Variants in SPAG16 observed in about 807,000 individuals in gnomAD.
SPAG16 encodes sperm associated antigen 16, also known as sperm-associated antigen 16 protein.
In SPAG16, 86 loss-of-function variants were observed where a neutral mutation model predicts 80.4. The observed-to-expected ratio is 1.07, with a 90% confidence interval of 0.90 to 1.28. The LOEUF is 1.28. SPAG16 is among the 50% of genes most tolerant of loss of function. SPAG16 has a pLI of 0.00. For missense variants in SPAG16, 870 were observed against 765.3 expected (o/e 1.14, Z -1.61); for synonymous variants, 294 against 265.9 (o/e 1.11, Z -1.03).
chr2:213,859,766 T>C (rs1017144274), intron 10 of SPAG16, among the ~76,000 whole-genome samples: 1 of 152,150 alleles, frequency 6.6e-6, no homozygotes. Context: ...TGGCATAAAA[T>C]AATAATACTG....
At chr2:213,732,322 T>A (rs1468044093) in intron 10 of SPAG16, among the ~76,000 whole-genome samples, 1 of 120,806 alleles carries the variant, frequency 8.3e-6, no homozygotes, top group Non-Finnish European at 1.8e-5. Flanking sequence ...GAACTCCCAT[T>A]CACGATTGCC....
chr2:213,711,255 C>T (rs2065972982), intron 10 of SPAG16, among the ~76,000 whole-genome samples: 1 of 151,842 alleles, frequency 6.6e-6, no homozygotes, highest in Admixed American at 6.6e-5. Context: ...ATTGTTATGG[C>T]AAAAATTTTT....
chr2:214,321,146 T>C (rs1226701523), intron 15 of SPAG16, among the ~76,000 whole-genome samples: 1 of 152,206 alleles, frequency 6.6e-6, no homozygotes, highest in Non-Finnish European at 1.5e-5. Flanking sequence ...AGATAATGGC[T>C]ATCAGAGAAA....
intron 15 of SPAG16, among the ~76,000 whole-genome samples, chr2:214,295,766 G>A (rs1047932839): frequency 1.3e-5 from 2 of 152,072 alleles, no homozygotes; most frequent in African/African-American, 2.4e-5. Context: ...ATTCCAGCCT[G>A]GGCCACAGAA....
chr2:214,317,108 T>C (rs1695750099), intron 15 of SPAG16, among the ~76,000 whole-genome samples: 1 of 152,204 alleles, frequency 6.6e-6, no homozygotes, highest in Non-Finnish European at 1.5e-5. Context: ...CAGGTATGTT[T>C]GGGCTCTAGA....
intron 9 of SPAG16, among the ~76,000 whole-genome samples, chr2:213,383,499 T>C (rs1209050923): frequency 1.3e-5 from 2 of 152,190 alleles, no homozygotes; most frequent in Non-Finnish European, 1.5e-5. Context: ...ATTAAGATTA[T>C]ATGAATCCTC....
At chr2:213,680,657 A>C (rs544489420) in intron 10 of SPAG16, among the ~76,000 whole-genome samples, 6 of 152,260 alleles carry the variant, frequency 3.9e-5, no homozygotes, top group African/African-American at 1.4e-4. Context: ...AATTGTCAAC[A>C]AAAAGAGTCA....
intron 12 of SPAG16, among the ~76,000 whole-genome samples, chr2:214,002,355 CA>C (rs2046831677): frequency 6.6e-6 from 1 of 151,944 alleles, no homozygotes; most frequent in African/African-American, 2.4e-5. Flanking sequence ...AAAAACAAAA[CA>C]ATAAATAAGG....
At chr2:213,756,790 G>T (rs1443717241) in intron 10 of SPAG16, among the ~76,000 whole-genome samples, 1 of 151,820 alleles carries the variant, frequency 6.6e-6, no homozygotes, top group East Asian at 1.9e-4. Flanking sequence ...TATGAAGAAA[G>T]TAAAGCTTTG....
chr2:213,858,501 A>G (rs937523181), intron 10 of SPAG16, among the ~76,000 whole-genome samples: 3 of 152,234 alleles, frequency 2.0e-5, no homozygotes, highest in African/African-American at 7.2e-5. Context: ...TACTTAATAT[A>G]CTATAGTATA....
intron 9 of SPAG16, among the ~76,000 whole-genome samples, chr2:213,427,142 T>C (rs2069983124): frequency 6.6e-6 from 1 of 152,118 alleles, no homozygotes; most frequent in Non-Finnish European, 1.5e-5. Flanking sequence ...CTCACAGCAT[T>C]GTCTGGCACC....
At chr2:214,381,957 A>G (rs1318004835) in intron 15 of SPAG16, among the ~76,000 whole-genome samples, 1 of 152,228 alleles carries the variant, frequency 6.6e-6, no homozygotes, top group African/African-American at 2.4e-5. Context: ...TGCAATATTA[A>G]TTCAGAACTG....
At chr2:214,012,288 A>ATATATATATAT (rs1553694500) in intron 12 of SPAG16, among the ~76,000 whole-genome samples, 1 of 46,806 alleles carries the variant, frequency 2.1e-5, no homozygotes, top group Non-Finnish European at 3.3e-5. Flanking sequence ...ATATATATAT[A>ATATATATATAT]TTTTTTTTTT....
At chr2:214,256,800 CCA>C (rs748672417) in intron 15 of SPAG16, among the ~76,000 whole-genome samples, 10 of 150,796 alleles carry the variant, frequency 6.6e-5, no homozygotes, top group Non-Finnish European at 1.5e-4. Flanking sequence ...TATGCCAGTA[CCA>C]CACTTTCCTT....
intron 12 of SPAG16, among the ~76,000 whole-genome samples, chr2:213,964,253 G>A (rs1318380851): frequency 6.6e-6 from 1 of 151,950 alleles, no homozygotes; most frequent in East Asian, 1.9e-4. Flanking sequence ...TTCTATGTCA[G>A]GTAAGAGATG....
intron 10 of SPAG16, among the ~76,000 whole-genome samples, chr2:213,543,107 T>A (rs1269757922): frequency 1.3e-5 from 2 of 152,004 alleles, no homozygotes. Context: ...AATTTTATGG[T>A]CAATAAACAC....
intron 10 of SPAG16, among the ~76,000 whole-genome samples, chr2:213,643,219 G>A (rs1433660894): frequency 6.7e-6 from 1 of 149,754 alleles, no homozygotes; most frequent in Non-Finnish European, 1.5e-5. Flanking sequence ...GCTATTCTAG[G>A]GTAAAACTTG....
At chr2:213,892,125 G>A (rs2076806809) in intron 11 of SPAG16, among the ~76,000 whole-genome samples, 3 of 152,028 alleles carry the variant, frequency 2.0e-5, no homozygotes, top group African/African-American at 7.2e-5. Context: ...CACACGAAAG[G>A]AGGTTCATCT....
At position 214,121,804 on chromosome 2, in the gene SPAG16, C is replaced by T. The variant is rs539677435; in HGVS notation, c.1593+13543C>T. On this transcript the variant is annotated intron_variant, in intron 14 of 15. Coordinates refer to ENST00000331683, the MANE Select transcript of SPAG16 (RefSeq NM_024532.5). ...TTCATGTATAAAATTATTTAAAATGCTGTATAAAATTACCTTCAGTCTGTA... is the reference window on the plus strand; with the variant it reads ...TTCATGTATAAAATTATTTAAAATGTTGTATAAAATTACCTTCAGTCTGTA... 1.5e-3 allele frequency among the ~76,000 whole-genome samples: 230 copies of T among 151,786 alleles called. 1 individual carries two copies. Among genetic ancestry groups the T allele is most frequent in the Non-Finnish European group, 2.8e-3 (193 of 67,770 alleles).
Sources: gnomAD v4.1 joint callset for allele counts (sites outside exome capture counted in the v4.1 genomes callset) on GRCh38, gnomAD v4.1.1 for gene constraint, MANE v1.5 for transcripts, NCBI Gene and HGNC (gene_info 2026-07-23, HGNC 2026-07-21) for gene names.